GRIN2B: variants seen among roughly 807,000 people sequenced by gnomAD.
The protein encoded by GRIN2B is glutamate ionotropic receptor NMDA type subunit 2B, also known as glutamate receptor ionotropic, NMDA 2B.
A neutral mutation model predicts 114.5 loss-of-function variants in GRIN2B; 5 were observed. That is an observed-to-expected ratio of 0.04 (90% confidence interval 0.02 to 0.09). The LOEUF is 0.09. Among genes scored for constraint, GRIN2B ranks in the 10% least tolerant of loss-of-function variants. The pLI, the probability that GRIN2B is intolerant of heterozygous loss-of-function variation, is 1.00. For synonymous variants in GRIN2B, 787 were observed against 745.1 expected (o/e 1.06, Z -0.92); for missense variants, 1,108 against 1,943.5 (o/e 0.57, Z 8.08).
chr12:13,965,557 C>CCACACA (rs138577851), intron 2 of GRIN2B, among the ~76,000 whole-genome samples: 51,505 of 150,068 alleles, frequency 0.34, 9,442 homozygotes, highest in East Asian at 0.58. Context: ...AGATTACACA[C>CCACACA]CACACACACA....
chr12:13,632,199 G>C (rs1366382326), intron 5 of GRIN2B, among the ~76,000 whole-genome samples: 2 of 152,216 alleles, frequency 1.3e-5, no homozygotes, highest in Non-Finnish European at 2.9e-5. Flanking sequence ...ATGAAAGTAA[G>C]TTAGGCTAAC....
chr12:13,865,646 G>GA (rs1025093263), intron 3 of GRIN2B, 152 bp downstream of exon 3: 426 of 740,590 alleles, frequency 5.8e-4, no homozygotes, highest in Admixed American at 8.1e-4. Context: ...GAGAGAGAGA[G>GA]AAAAAAAAAG....
rs993201019 is a variant in GRIN2B, at chr12:13,546,320, A to G, written c.*16463T>C. On this transcript the variant is annotated 3_prime_UTR_variant, in exon 14 of 14. Transcript: ENST00000609686. ...CAAGGTTTTGAAGAATCGAGCTACA[A>G]TGCTTATCAATGTCTGTCTGGAAGA... 3.9e-5 allele frequency: 6 copies of G among 152,330 alleles called. No individual in the cohort carries two copies. The highest frequency in any genetic ancestry group is 1.4e-4 in the African/African-American group (6 of 41,570). 9.4% of individuals were successfully genotyped at this position (152,330 alleles called of 1,614,324 possible).
chr12:13,854,769 A>T (rs907728170), intron 3 of GRIN2B, among the ~76,000 whole-genome samples: 4 of 152,128 alleles, frequency 2.6e-5, no homozygotes, highest in African/African-American at 9.7e-5. Context: ...TCAAGATCAT[A>T]CTGTTGATGG....
chr12:13,800,451 C>G (rs117584437), intron 3 of GRIN2B, among the ~76,000 whole-genome samples: 2,465 of 152,260 alleles, frequency 0.016, 41 homozygotes, highest in Middle Eastern at 0.071. Flanking sequence ...ATTTTTATCA[C>G]TCTTTGCTAA....
rs76424767 is a variant in GRIN2B at position 13,835,692 on chromosome 12, A to G, written c.411+30106T>C. Among the ~76,000 whole-genome samples, 6 of 151,132 alleles carry G rather than the reference A, an allele frequency of 4.0e-5. No individual in the cohort carries two copies. The East Asian group carries it at 1.2e-3, about 30-fold the overall frequency. ...CTCCAGTTCTGGGGACAGGTACTTA[A>G]ATTAGCATTCTCAGGGAGAAAGGCA... On this transcript the variant is annotated intron_variant, in intron 3 of 13. Transcript: ENST00000609686.
At chr12:13,828,220 CT>C (rs1274913966) in intron 3 of GRIN2B, among the ~76,000 whole-genome samples, 1 of 152,154 alleles carries the variant, frequency 6.6e-6, no homozygotes, top group Non-Finnish European at 1.5e-5. Flanking sequence ...ATCTAATAAC[CT>C]TTATTTTAGC....
intron 3 of GRIN2B, among the ~76,000 whole-genome samples, chr12:13,796,748 T>G (rs981664603): frequency 4.6e-5 from 7 of 152,138 alleles, no homozygotes; most frequent in African/African-American, 1.7e-4. Flanking sequence ...GAGCATGAAC[T>G]GAAAGACCTG....
intron 5 of GRIN2B, among the ~76,000 whole-genome samples, chr12:13,659,273 A>C (rs899181215): frequency 1.4e-4 from 21 of 152,144 alleles, no homozygotes; most frequent in Non-Finnish European, 2.6e-4. Context: ...CATTTCCTGA[A>C]GTTCAATTCT....
chr12:13,751,040 A>T (rs1477828738), intron 4 of GRIN2B, among the ~76,000 whole-genome samples: 2 of 152,220 alleles, frequency 1.3e-5, no homozygotes, highest in East Asian at 3.9e-4. Flanking sequence ...TGAGGCAGGT[A>T]AGGGAACATC....
chr12:13,573,677 T>C (rs912995734), intron 10 of GRIN2B, among the ~76,000 whole-genome samples: 1 of 152,200 alleles, frequency 6.6e-6, no homozygotes, highest in Admixed American at 6.5e-5. Context: ...ATAGTACCAT[T>C]TACTTTGGAG....
Position 13,563,488 on chromosome 12 carries a change from G to T in GRIN2B, c.3750C>A (p.Asn1250Lys), listed in dbSNP as rs200883120. Residue 1250 changes from asparagine to lysine, a missense_variant, in exon 14 of 14, where the codon AAC becomes AAA. Coordinates refer to ENST00000609686, the MANE Select transcript of GRIN2B (RefSeq NM_000834.5). ...IRCEACKKAG[N>K]LYDISEDNSL... ...AGTTGTCCTCACTGATGTCATACAG[G>T]TTGCCTGCTTTCTTGCAAGCCTCAC... The T allele has an allele frequency of 2.5e-6, 4 of 1,614,064 alleles. No individual in the cohort carries two copies. Among genetic ancestry groups the T allele is most frequent in the Non-Finnish European group, 3.4e-6 (4 of 1,180,052 alleles).
intron 3 of GRIN2B, among the ~76,000 whole-genome samples, chr12:13,792,556 A>C (rs957742864): frequency 5.9e-5 from 9 of 152,212 alleles, no homozygotes; most frequent in Non-Finnish European, 1.3e-4. Flanking sequence ...TCTCTCTCAA[A>C]TACTTCACCC....
At chr12:13,781,181 T>C (rs1302800365) in intron 3 of GRIN2B, among the ~76,000 whole-genome samples, 1 of 152,198 alleles carries the variant, frequency 6.6e-6, no homozygotes, top group African/African-American at 2.4e-5. Context: ...AATATGCACA[T>C]GGCCAGATGG....
intron 3 of GRIN2B, among the ~76,000 whole-genome samples, chr12:13,822,758 C>T (rs7964929): frequency 0.16 from 23,890 of 148,738 alleles, 2,413 homozygotes; most frequent in Non-Finnish European, 0.22. Flanking sequence ...TGCATACATC[C>T]GCCAATCTTT....
intron 13 of GRIN2B, 101 bp downstream of exon 13, chr12:13,566,924 C>CA (rs1948648054): frequency 1.2e-6 from 1 of 835,994 alleles, no homozygotes; most frequent in Admixed American, 1.7e-5. Context: ...GCTTGAGCAA[C>CA]ATGGGGGTGG....
intron 3 of GRIN2B, among the ~76,000 whole-genome samples, chr12:13,775,750 T>C (rs1008844002): frequency 1.3e-5 from 2 of 152,198 alleles, no homozygotes; most frequent in African/African-American, 4.8e-5. Context: ...ATTTGGTAGG[T>C]AAAATATGAT....
At chr12:13,962,781 T>C (rs557082708) in intron 2 of GRIN2B, among the ~76,000 whole-genome samples, 25 of 152,220 alleles carry the variant, frequency 1.6e-4, no homozygotes, top group African/African-American at 5.3e-4. Context: ...AGACAGAACT[T>C]CCCAGGGGGG....
intron 10 of GRIN2B, among the ~76,000 whole-genome samples, chr12:13,601,087 G>C (rs527982712): frequency 2.2e-4 from 34 of 152,330 alleles, no homozygotes; most frequent in African/African-American, 7.9e-4. Flanking sequence ...AAGAGGAGAA[G>C]CACTGAAGTC....
Sources: allele counts gnomAD v4.1 joint callset (sites outside exome capture counted in the v4.1 genomes callset), GRCh38; gene constraint gnomAD v4.1.1; transcripts MANE v1.5; gene names NCBI Gene and HGNC (gene_info 2026-07-23, HGNC 2026-07-21).